The following PIAS2 variants were observed in gnomAD, a reference collection of about 807,000 sequenced individuals.
PIAS2 encodes the protein protein inhibitor of activated STAT 2.
Under a neutral mutation model 69.7 loss-of-function variants are expected in PIAS2, and 19 were observed. The observed-to-expected ratio is 0.27, with a 90% confidence interval of 0.19 to 0.40. The LOEUF (loss-of-function observed/expected upper bound fraction) is 0.40. Ranked by LOEUF, PIAS2 falls within the 10% of genes least tolerant of loss-of-function variation. PIAS2 has a pLI of 1.00. For synonymous variants in PIAS2, 261 were observed against 263.2 expected (o/e 0.99, Z 0.08); for missense variants, 624 against 757.0 (o/e 0.82, Z 2.06).
chr18:46,816,135 A>G (rs1177527758), intron 12 of PIAS2: 2 of 984,918 alleles, frequency 2.0e-6, no homozygotes, highest in Non-Finnish European at 2.4e-6. Context: ...CAAAACATTA[A>G]AAAAGAAACC....
At chr18:46,829,670 C>G in intron 10 of PIAS2, 64 bp downstream of exon 10, 1 of 1,441,378 alleles carries the variant, frequency 6.9e-7, no homozygotes, top group Non-Finnish European at 9.6e-7. Flanking sequence ...TTCTAGGGGC[C>G]AAGATTAATG....
At chr18:46,879,594 G>A (rs1444647317) in intron 2 of PIAS2, among the ~76,000 whole-genome samples, 1 of 152,188 alleles carries the variant, frequency 6.6e-6, no homozygotes, top group Non-Finnish European at 1.5e-5. Flanking sequence ...GAATCTTGAA[G>A]AGATGTTTGT....
At chr18:46,896,970 A>G (rs2054986973) in intron 1 of PIAS2, among the ~76,000 whole-genome samples, 1 of 152,208 alleles carries the variant, frequency 6.6e-6, no homozygotes. Flanking sequence ...ATTTGGGGGA[A>G]GTAGGTGGGG....
intron 1 of PIAS2, chr18:46,904,177 T>G (rs1319021462): frequency 6.6e-6 from 1 of 152,122 alleles, no homozygotes; most frequent in Non-Finnish European, 1.5e-5. Context: ...CTGGTTGTGA[T>G]ACTGTACTAT....
intron 8 of PIAS2, among the ~76,000 whole-genome samples, chr18:46,841,892 C>T (rs1282803922): frequency 2.0e-5 from 3 of 152,184 alleles, no homozygotes; most frequent in African/African-American, 4.8e-5. Flanking sequence ...CCTATTCTTA[C>T]ATAGAAGGAA....
chr18:46,842,821 T>A, intron 8 of PIAS2, among the ~76,000 whole-genome samples: 1 of 152,160 alleles, frequency 6.6e-6, no homozygotes, highest in African/African-American at 2.4e-5. Context: ...CTTACCCTAC[T>A]GGAACTGCAC....
intron 8 of PIAS2, among the ~76,000 whole-genome samples, chr18:46,841,346 C>T (rs757721837): frequency 5.3e-5 from 8 of 152,240 alleles, no homozygotes; most frequent in Non-Finnish European, 1.0e-4. Flanking sequence ...CTTGTTTTTG[C>T]CAAATAACCC....
chr18:46,825,567 C>A (rs556213263), intron 11 of PIAS2, among the ~76,000 whole-genome samples: 1 of 152,124 alleles, frequency 6.6e-6, no homozygotes, highest in Non-Finnish European at 1.5e-5. Flanking sequence ...TTCACCTTCC[C>A]GTTCCCCTGC....
chr18:46,914,563 C>A (rs571888625), intron 1 of PIAS2, among the ~76,000 whole-genome samples: 1 of 146,718 alleles, frequency 6.8e-6, no homozygotes, highest in East Asian at 2.2e-4. Flanking sequence ...AACCCTCCCC[C>A]CCCCAACTCC....
intron 2 of PIAS2, among the ~76,000 whole-genome samples, chr18:46,867,696 C>T (rs1458153900): frequency 1.3e-5 from 2 of 152,150 alleles, no homozygotes; most frequent in African/African-American, 4.8e-5. Flanking sequence ...ATTCTATTTT[C>T]CAAATATAAC....
chr18:46,897,370 C>T (rs965386694), intron 1 of PIAS2, among the ~76,000 whole-genome samples: 9 of 152,088 alleles, frequency 5.9e-5, no homozygotes, highest in East Asian at 3.8e-4. Context: ...TCAAAGATCA[C>T]GGGGCCTTGT....
intron 9 of PIAS2, among the ~76,000 whole-genome samples, chr18:46,831,676 T>C (rs2043644254): frequency 1.3e-5 from 2 of 152,168 alleles, no homozygotes; most frequent in African/African-American, 4.8e-5. Flanking sequence ...TTAATTTTTG[T>C]AAAAGGTGCA....
At chr18:46,893,954 C>G (rs971104291) in intron 1 of PIAS2, among the ~76,000 whole-genome samples, 3 of 152,014 alleles carry the variant, frequency 2.0e-5, no homozygotes, top group Non-Finnish European at 4.4e-5. Context: ...GGTGAAACCC[C>G]GTCTCTACTA....
chr18:46,872,290 G>T (rs1462206580), intron 2 of PIAS2, among the ~76,000 whole-genome samples: 1 of 152,242 alleles, frequency 6.6e-6, no homozygotes, highest in African/African-American at 2.4e-5. Flanking sequence ...ATGGTTTACA[G>T]TGATAGACTT....
chr18:46,869,808 A>C (rs750135621), intron 2 of PIAS2, among the ~76,000 whole-genome samples: 1 of 152,180 alleles, frequency 6.6e-6, no homozygotes, highest in Admixed American at 6.5e-5. Context: ...GAATTTGTCA[A>C]CTTCTAATAG....
chr18:46,837,937 G>GT (rs1266308822), intron 8 of PIAS2, among the ~76,000 whole-genome samples: 3 of 152,192 alleles, frequency 2.0e-5, no homozygotes, highest in African/African-American at 7.2e-5. Context: ...TATGTGCTCA[G>GT]TATTTGTTGA....
intron 13 of PIAS2, among the ~76,000 whole-genome samples, chr18:46,813,870 T>G (rs879186683): frequency 6.6e-6 from 1 of 152,166 alleles, no homozygotes; most frequent in South Asian, 2.1e-4. Context: ...GAACAGTTCT[T>G]AAAGAGCTTC....
chr18:46,817,319 T>C, intron 12 of PIAS2: 2 of 983,152 alleles, frequency 2.0e-6, no homozygotes, highest in Non-Finnish European at 1.2e-6. Context: ...TTTCTAAATG[T>C]TCAACTATTT....
intron 9 of PIAS2, among the ~76,000 whole-genome samples, chr18:46,832,457 A>G (rs1478942240): frequency 6.6e-6 from 1 of 151,942 alleles, no homozygotes. Flanking sequence ...AAGTGGGCAA[A>G]AGTTTGGTCA....
Sources: allele counts gnomAD v4.1 joint callset (sites outside exome capture counted in the v4.1 genomes callset), GRCh38; gene constraint gnomAD v4.1.1; transcripts MANE v1.5; gene names NCBI Gene and HGNC (gene_info 2026-07-23, HGNC 2026-07-21).